The following NAV3 variants were observed in gnomAD, a reference collection of about 807,000 sequenced individuals.
NAV3 encodes neuron navigator 3.
A neutral mutation model predicts 244.7 loss-of-function variants in NAV3; 87 were observed. The observed-to-expected ratio is 0.36, with a 90% CI of 0.30 to 0.42. The LOEUF (loss-of-function observed/expected upper bound fraction) is 0.42, where lower values mean the gene tolerates loss of function less well. Among genes scored for constraint, NAV3 ranks in the 20% least tolerant of loss-of-function variants. NAV3 has a pLI of 1.00. For synonymous variants in NAV3, 1,126 were observed against 1,042.2 expected, an observed-to-expected ratio of 1.08 and a Z score of -1.55; for missense variants, 2,663 against 2,893.3, an observed-to-expected ratio of 0.92 and a Z score of 1.83.
chr12:77,734,762 A>G (rs1041038814), intron 2 of NAV3, among the ~76,000 whole-genome samples: 5 of 152,166 alleles, frequency 3.3e-5, no homozygotes, highest in African/African-American at 9.6e-5. Context: ...CTTCCAGCAA[A>G]TTACTATTAA....
intron 18 of NAV3, among the ~76,000 whole-genome samples, chr12:78,133,078 A>C (rs1565700120): frequency 6.6e-6 from 1 of 152,116 alleles, no homozygotes; most frequent in African/African-American, 2.4e-5. Flanking sequence ...AGCAGATTTT[A>C]AATTGATCTT....
At chr12:77,694,706 A>G (rs760447533) in intron 2 of NAV3, among the ~76,000 whole-genome samples, 12 of 152,302 alleles carry the variant, frequency 7.9e-5, no homozygotes, top group Non-Finnish European at 1.3e-4. Flanking sequence ...ATAGTAGAGA[A>G]GGCTTTGTTT....
chr12:78,125,036 C>A (rs1955845311), intron 16 of NAV3, among the ~76,000 whole-genome samples: 1 of 151,960 alleles, frequency 6.6e-6, no homozygotes, highest in African/African-American at 2.4e-5. Flanking sequence ...GAAATGCAAG[C>A]AATAGCAAAT....
intron 2 of NAV3, among the ~76,000 whole-genome samples, chr12:77,619,042 A>G (rs1441153238): frequency 1.3e-5 from 2 of 152,212 alleles, no homozygotes; most frequent in Admixed American, 1.3e-4. Context: ...TCTTGTCATA[A>G]TCATTGAAAA....
intron 1 of NAV3, among the ~76,000 whole-genome samples, chr12:77,848,712 G>A (rs1877022134): frequency 6.6e-6 from 1 of 152,116 alleles, no homozygotes; most frequent in Non-Finnish European, 1.5e-5. Flanking sequence ...CCTGGCAGTG[G>A]CATACAGGAT....
intron 2 of NAV3, among the ~76,000 whole-genome samples, chr12:77,698,770 A>G (rs1297973905): frequency 6.6e-6 from 1 of 152,150 alleles, no homozygotes; most frequent in East Asian, 1.9e-4. Flanking sequence ...CTCTATGTGA[A>G]TGGCATGGCT....
chr12:78,097,084 G>A (rs548668743), intron 12 of NAV3, among the ~76,000 whole-genome samples: 1 of 152,288 alleles, frequency 6.6e-6, no homozygotes, highest in South Asian at 2.1e-4. Context: ...CCAGGGTGTG[G>A]GAAGTAAGGT....
At chr12:77,621,981 A>T (rs1478086074) in intron 2 of NAV3, among the ~76,000 whole-genome samples, 1 of 152,122 alleles carries the variant, frequency 6.6e-6, no homozygotes, top group Non-Finnish European at 1.5e-5. Context: ...AGGACTGGGG[A>T]TGGTAGACAT....
chr12:77,839,192 T>G (rs888935584), intron 1 of NAV3, among the ~76,000 whole-genome samples: 3 of 152,242 alleles, frequency 2.0e-5, no homozygotes, highest in African/African-American at 7.2e-5. Context: ...AGTGGCATCC[T>G]TTGTATTTGA....
At chr12:78,044,410 A>G (rs1881409159) in intron 9 of NAV3, among the ~76,000 whole-genome samples, 1 of 152,044 alleles carries the variant, frequency 6.6e-6, no homozygotes, top group African/African-American at 2.4e-5. Flanking sequence ...TCTTGGCTAT[A>G]CGGGCTCTTT....
At chr12:77,897,260 G>A (rs1884735100) in intron 1 of NAV3, among the ~76,000 whole-genome samples, 1 of 152,130 alleles carries the variant, frequency 6.6e-6, no homozygotes, top group African/African-American at 2.4e-5. Flanking sequence ...TACTTGGTCC[G>A]TTTTGGAAAT....
intron 1 of NAV3, among the ~76,000 whole-genome samples, chr12:77,838,625 T>C (rs965897920): frequency 2.6e-5 from 4 of 152,202 alleles, no homozygotes; most frequent in African/African-American, 9.6e-5. Context: ...CTAAATATAT[T>C]GTTTATAGAA....
intron 2 of NAV3, among the ~76,000 whole-genome samples, chr12:77,795,940 C>T (rs1357784937): frequency 6.6e-6 from 1 of 152,160 alleles, no homozygotes; most frequent in Non-Finnish European, 1.5e-5. Flanking sequence ...TATTATGACT[C>T]ATTGACAATC....
intron 3 of NAV3, among the ~76,000 whole-genome samples, chr12:77,961,153 A>G (rs1297336655): frequency 2.7e-5 from 4 of 145,940 alleles, no homozygotes; most frequent in Admixed American, 6.9e-5. Flanking sequence ...TACTATATAC[A>G]TATGTCTATA....
rs146791110 is a variant in NAV3 at position 77,795,302 on chromosome 12, C to A, written c.73-145017C>A. 2.9e-3 allele frequency among the ~76,000 whole-genome samples: 439 copies of A among 152,244 alleles called. 5 individuals are homozygous for A. Among genetic ancestry groups the A allele is most frequent in the African/African-American group, 0.01 (425 of 41,564 alleles). On this transcript the variant is annotated intron_variant, in intron 2 of 8. Transcript: ENST00000550042. ...AGCCTAATCCAAAGCAAAGCCCTAA[C>A]TGTCTTCGATTGTAACAAGGCTGAA... is the stretch of plus-strand genomic sequence containing the variant.
At chr12:78,200,691 A>G (rs1959571578) in intron 38 of NAV3, 100 bp downstream of exon 38, 2 of 587,948 alleles carry the variant, frequency 3.4e-6, no homozygotes, top group Non-Finnish European at 5.5e-6. Flanking sequence ...TATGCAGAAA[A>G]CTAAAGGCAT....
At chr12:78,197,717 C>T (rs1016045044) in intron 35 of NAV3, among the ~76,000 whole-genome samples, 2 of 151,762 alleles carry the variant, frequency 1.3e-5, no homozygotes, top group Non-Finnish European at 2.9e-5. Context: ...ATATGCATTC[C>T]TTAGAATATC....
At chr12:77,729,452 A>T (rs1239318802) in intron 2 of NAV3, among the ~76,000 whole-genome samples, 1 of 152,002 alleles carries the variant, frequency 6.6e-6, no homozygotes, top group East Asian at 1.9e-4. Context: ...CCCCACTAAA[A>T]TATTAGTGAA....
At position 77,865,644 on chromosome 12, in the gene NAV3, G is replaced by A. The variant is rs144346605; in HGVS notation, c.243+33940G>A. 2.5e-3 allele frequency among the ~76,000 whole-genome samples: 378 copies of A among 151,858 alleles called. 3 individuals carry two copies. Among genetic ancestry groups the A allele is most frequent in the African/African-American group, 8.7e-3 (360 of 41,426 alleles). On this transcript the variant is annotated intron_variant, in intron 1 of 39. Coordinates refer to ENST00000397909, the MANE Select transcript of NAV3 (RefSeq NM_001024383.2). ...AGAATAATATTTAGGGTATTTAGAC[G>A]TTCTAACATAATGTATTTAACAACA...
Sources: allele counts gnomAD v4.1 joint callset (sites outside exome capture counted in the v4.1 genomes callset), GRCh38; gene constraint gnomAD v4.1.1; transcripts MANE v1.5; gene names NCBI Gene and HGNC (gene_info 2026-07-23, HGNC 2026-07-21).